The following PTK2 variants were observed in gnomAD, a reference collection of about 807,000 sequenced individuals.
PTK2 encodes protein tyrosine kinase 2.
A neutral mutation model predicts 150.1 loss-of-function variants in PTK2; 45 were observed. The ratio of observed to expected loss-of-function variants is 0.30; its 90% CI spans 0.24 to 0.38. The LOEUF is 0.38. Ranked by LOEUF, PTK2 falls within the 10% of genes least tolerant of loss-of-function variation. The pLI is 1.00. For missense variants in PTK2, 919 were observed against 1,307.3 expected, an observed-to-expected ratio of 0.70 and a Z score of 4.58; for synonymous variants, 432 against 449.2, an observed-to-expected ratio of 0.96 and a Z score of 0.48.
intron 22 of PTK2, among the ~76,000 whole-genome samples, chr8:140,733,768 G>A (rs1386445130): frequency 6.6e-6 from 1 of 152,218 alleles, no homozygotes; most frequent in Non-Finnish European, 1.5e-5. Context: ...CCTATCGTGT[G>A]AAAGGCAGAG....
At chr8:140,838,139 G>T (rs10106635) in intron 7 of PTK2, among the ~76,000 whole-genome samples, 1 of 152,092 alleles carries the variant, frequency 6.6e-6, no homozygotes, top group African/African-American at 2.4e-5. Flanking sequence ...TAAAATTCCT[G>T]CCGGAATCTA....
intron 2 of PTK2, among the ~76,000 whole-genome samples, chr8:140,902,955 T>G (rs1244330199): frequency 8.3e-6 from 1 of 119,808 alleles, no homozygotes; most frequent in African/African-American, 2.9e-5. Context: ...TTTTTTTTTT[T>G]TTTTGCCATG....
chr8:140,950,282 G>A (rs1053143048), intron 1 of PTK2, among the ~76,000 whole-genome samples: 3 of 152,180 alleles, frequency 2.0e-5, no homozygotes, highest in Admixed American at 6.5e-5. Context: ...GAGAATCCCC[G>A]AGCCAGGGCT....
At chr8:140,883,486 C>CT (rs535870202) in intron 3 of PTK2, among the ~76,000 whole-genome samples, 3 of 152,148 alleles carry the variant, frequency 2.0e-5, no homozygotes, top group Non-Finnish European at 4.4e-5. Context: ...TTACTGCTTC[C>CT]TAAGAATTAC....
chr8:140,721,381 T>TAA (rs2100042890), intron 22 of PTK2, among the ~76,000 whole-genome samples: 1 of 152,208 alleles, frequency 6.6e-6, no homozygotes, highest in African/African-American at 2.4e-5. Context: ...TTGACAAATG[T>TAA]AAAGATGTTA....
chr8:140,951,062 C>G (rs1385877929), intron 1 of PTK2, among the ~76,000 whole-genome samples: 1 of 152,078 alleles, frequency 6.6e-6, no homozygotes, highest in Non-Finnish European at 1.5e-5. Flanking sequence ...ATAAAAGATG[C>G]TTGTATTCAC....
chr8:140,736,168 T>C (rs1427798115), intron 21 of PTK2, among the ~76,000 whole-genome samples: 1 of 152,250 alleles, frequency 6.6e-6, no homozygotes, highest in Non-Finnish European at 1.5e-5. Flanking sequence ...GTAGTACATA[T>C]ATGCCACGGA....
At chr8:140,896,319 A>G (rs765591623) in intron 2 of PTK2, among the ~76,000 whole-genome samples, 1 of 152,224 alleles carries the variant, frequency 6.6e-6, no homozygotes, top group Admixed American at 6.5e-5. Context: ...CAGAACAGTG[A>G]TATCAAAACC....
chr8:140,700,996 C>G (rs200210469), exon 26 of PTK2: 62 of 1,613,848 alleles, frequency 3.8e-5, no homozygotes, highest in Non-Finnish European at 6.8e-6. Flanking sequence ...CTTGCCCAAT[C>G]CCTCGCAGGT....
chr8:140,840,166 C>T (rs1399719202), intron 7 of PTK2, among the ~76,000 whole-genome samples: 1 of 152,188 alleles, frequency 6.6e-6, no homozygotes, highest in Non-Finnish European at 1.5e-5. Context: ...TCAAGCAATC[C>T]TCCAGCCTCA....
intron 30 of PTK2, among the ~76,000 whole-genome samples, chr8:140,666,944 G>A (rs907788027): frequency 1.1e-4 from 16 of 152,184 alleles, no homozygotes; most frequent in Non-Finnish European, 1.0e-4. Context: ...CCCTAAAAAG[G>A]AAGAAAATTC....
At chr8:140,664,959 C>A (rs754849542) in exon 31 of PTK2, 5 of 1,613,816 alleles carry the variant, frequency 3.1e-6, no homozygotes, top group Non-Finnish European at 4.2e-6. Flanking sequence ...TGGTCTCATC[C>A]ACAGTGGCCA....
rs189682769 is a variant in PTK2, at chr8:140,951,715, C to T, written c.-121-25966G>A. On this transcript the variant is annotated intron_variant, in intron 1 of 31. Transcript: ENST00000522684. ...TTGGGAAACAAAGGAAGATTCATCT[C>T]TACAAAAAAATTTTTTTAATTAGCC... 2.6e-4 allele frequency among the ~76,000 whole-genome samples: 39 copies of T among 151,990 alleles called. 1 individual carries two copies. The East Asian group carries it at 7.6e-3, about 30-fold the overall frequency.
chr8:140,873,269 C>T lies in PTK2; in HGVS notation c.362+6202G>A, dbSNP rs372323313. Among the ~76,000 whole-genome samples the T allele has an allele frequency of 3.3e-4, 50 of 152,364 alleles. 2 individuals are homozygous for T. The highest frequency in any genetic ancestry group is 1.2e-3 in the African/African-American group (49 of 41,586). ...GGTAAAAGACTGTCAGGTCCACAGCCTCTCCAGCTACAGAGAGTGTCAGAC... is the reference window on the plus strand; with the variant it reads ...GGTAAAAGACTGTCAGGTCCACAGCTTCTCCAGCTACAGAGAGTGTCAGAC... On this transcript the variant is annotated intron_variant, in intron 4 of 31. Coordinates refer to ENST00000522684, the Ensembl canonical transcript of PTK2.
At chr8:140,866,898 A>G (rs2100139646) in intron 4 of PTK2, among the ~76,000 whole-genome samples, 1 of 152,244 alleles carries the variant, frequency 6.6e-6, no homozygotes, top group African/African-American at 2.4e-5. Context: ...AGGGTAGTCA[A>G]TGATGGACAC....
intron 2 of PTK2, among the ~76,000 whole-genome samples, chr8:140,919,013 G>A (rs1228562543): frequency 2.6e-5 from 4 of 152,176 alleles, no homozygotes; most frequent in African/African-American, 7.2e-5. Flanking sequence ...AGGGGAGAGA[G>A]AGGAAGTTTA....
intron 22 of PTK2, among the ~76,000 whole-genome samples, chr8:140,725,205 C>A (rs1302179238): frequency 1.3e-5 from 2 of 150,822 alleles, no homozygotes; most frequent in Non-Finnish European, 3.0e-5. Flanking sequence ...TCGATCACGG[C>A]TCACTGCAGC....
chr8:140,795,636 C>T (rs2100091096), intron 12 of PTK2, among the ~76,000 whole-genome samples: 1 of 152,144 alleles, frequency 6.6e-6, no homozygotes, highest in African/African-American at 2.4e-5. Context: ...CACGTATGTC[C>T]TCACCTACAT....
At chr8:140,754,927 G>A (rs1352849447) in intron 16 of PTK2, among the ~76,000 whole-genome samples, 1 of 152,074 alleles carries the variant, frequency 6.6e-6, no homozygotes, top group African/African-American at 2.4e-5. Flanking sequence ...GTTACTAATT[G>A]GTAATTACTC....
Sources: allele counts gnomAD v4.1 joint callset (sites outside exome capture counted in the v4.1 genomes callset), GRCh38; gene constraint gnomAD v4.1.1; transcripts MANE v1.5; gene names NCBI Gene and HGNC (gene_info 2026-07-23, HGNC 2026-07-21).